Variants in EML1 observed in about 807,000 individuals in gnomAD.
EML1 encodes echinoderm microtubule-associated protein-like 1.
In EML1, 27 loss-of-function variants were observed where a neutral mutation model predicts 110.4. That is an observed-to-expected ratio of 0.24 (90% confidence interval 0.18 to 0.34). EML1 has a LOEUF of 0.34. Ranked by LOEUF, EML1 falls within the 10% of genes least tolerant of loss-of-function variation. The pLI is 1.00. For synonymous variants in EML1, 344 were observed against 385.8 expected (o/e 0.89, Z 1.27); for missense variants, 741 against 1,030.9 (o/e 0.72, Z 3.85).
intron 1 of EML1, among the ~76,000 whole-genome samples, chr14:99,785,825 T>C (rs1367883235): frequency 2.0e-5 from 3 of 151,764 alleles, no homozygotes; most frequent in African/African-American, 7.3e-5. Context: ...GAACGAACGG[T>C]TGGGGTGATT....
chr14:99,938,076 G>GT (rs564029085), intron 20 of EML1, among the ~76,000 whole-genome samples, 164 bp downstream of exon 20: 45 of 152,240 alleles, frequency 3.0e-4, no homozygotes, highest in African/African-American at 1.1e-3. Context: ...GGTAGGGCCT[G>GT]GGCTTGCCTG....
chr14:99,881,052 G>A (rs780058741), intron 4 of EML1, among the ~76,000 whole-genome samples: 2 of 152,230 alleles, frequency 1.3e-5, no homozygotes, highest in Admixed American at 6.5e-5. Flanking sequence ...GGGAAATAAA[G>A]TATTATAAAT....
chr14:99,823,328 G>A (rs1209050399), intron 1 of EML1, among the ~76,000 whole-genome samples: 1 of 151,894 alleles, frequency 6.6e-6, no homozygotes, highest in African/African-American at 2.4e-5. Flanking sequence ...TGCCCTGGCC[G>A]CACTGTGGCT....
rs142359809 is a variant in EML1, at chr14:99,838,820, G to A, written c.68-12033G>A. Among the ~76,000 whole-genome samples, 26 of 152,280 alleles carry A rather than the reference G, an allele frequency of 1.7e-4. No homozygotes were observed. The East Asian group carries it at 5.0e-3, about 29-fold the overall frequency. On this transcript the variant is annotated intron_variant, in intron 1 of 21. Transcript: ENST00000262233. ...GTTTGCTTTAAAACTGTAAAGTGGA[G>A]TGGGGGAAAGCTATCAACAATCTTC...
chr14:99,916,871 A>C (rs1300566652), intron 15 of EML1, among the ~76,000 whole-genome samples: 2 of 152,224 alleles, frequency 1.3e-5, no homozygotes, highest in Non-Finnish European at 2.9e-5. Flanking sequence ...GCCTTGGCCC[A>C]GCTTCCCAGT....
At chr14:99,775,697 T>C (rs2057474456) in intron 1 of EML1, among the ~76,000 whole-genome samples, 1 of 152,196 alleles carries the variant, frequency 6.6e-6, no homozygotes, top group Non-Finnish European at 1.5e-5. Flanking sequence ...CCAGCCGCCA[T>C]GTGGAAGCTA....
intron 2 of EML1, among the ~76,000 whole-genome samples, chr14:99,863,129 A>C (rs1445743412): frequency 6.6e-6 from 1 of 152,130 alleles, no homozygotes; most frequent in Non-Finnish European, 1.5e-5. Flanking sequence ...TAATTGTTCC[A>C]TCCTGATGTT....
intron 1 of EML1, among the ~76,000 whole-genome samples, chr14:99,800,793 CATTT>C (rs907281127): frequency 2.6e-5 from 4 of 152,222 alleles, no homozygotes; most frequent in African/African-American, 7.2e-5. Flanking sequence ...AAAATGCAGT[CATTT>C]ATTTATTCTG....
upstream of EML1, among the ~76,000 whole-genome samples, chr14:99,772,533 T>C (rs1235818467): frequency 6.6e-6 from 1 of 152,198 alleles, no homozygotes; most frequent in Non-Finnish European, 1.5e-5. Context: ...TGGGGGTTGA[T>C]TCCTCTCCCT....
At chr14:99,823,066 C>T (rs751965947) in intron 1 of EML1, among the ~76,000 whole-genome samples, 41 of 152,234 alleles carry the variant, frequency 2.7e-4, no homozygotes, top group Middle Eastern at 3.4e-3. Context: ...CCATCTCCTC[C>T]GGGAAGAAGA....
chr14:99,802,610 G>A (rs2057901462), intron 1 of EML1, among the ~76,000 whole-genome samples: 1 of 152,154 alleles, frequency 6.6e-6, no homozygotes, highest in Non-Finnish European at 1.5e-5. Flanking sequence ...GCCTGCAACT[G>A]GAGATGGCAG....
Position 99,917,833 on chromosome 14 carries a change from G to A in EML1, c.1804G>A (p.Gly602Arg), listed in dbSNP as rs1392499169. 6.2e-7 allele frequency: 1 copy of A among 1,614,106 alleles called. No homozygotes were observed. Among genetic ancestry groups the A allele is most frequent in the South Asian group, 1.1e-5 (1 of 91,070 alleles). ...FHPSGSVVAV[G>R]TLTGRWFVFD... Reference sequence around the variant, plus strand: ...TCCTTCAGGGTCTGTGGTTGCAGTCGGAACACTCACTGGGAGGTAAGTCCA... The same window carrying A: ...TCCTTCAGGGTCTGTGGTTGCAGTCAGAACACTCACTGGGAGGTAAGTCCA... Residue 602 changes from glycine (G) to arginine (R), a missense_variant, in exon 16 of 22, where the codon GGA becomes AGA. By Grantham distance (125) the Gly-to-Arg change is moderately radical (BLOSUM62 -2). Coordinates refer to ENST00000262233, the MANE Select transcript of EML1 (RefSeq NM_004434.3).
At chr14:99,757,115 G>A (rs1030030586) in intron 1 of EML1, among the ~76,000 whole-genome samples, 1 of 152,212 alleles carries the variant, frequency 6.6e-6, no homozygotes, top group Non-Finnish European at 1.5e-5. Context: ...CGAGGCGGGA[G>A]GATCACCTAA....
chr14:99,758,593 G>C (rs1372027733), intron 1 of EML1, among the ~76,000 whole-genome samples: 1 of 152,132 alleles, frequency 6.6e-6, no homozygotes, highest in Non-Finnish European at 1.5e-5. Flanking sequence ...AGAGCCCCAG[G>C]CCTGCCCAGA....
chr14:99,773,012 C>T (rs1225987453), exon 1 of EML1: 1 of 152,186 alleles, frequency 6.6e-6, no homozygotes, highest in African/African-American at 2.4e-5. Context: ...AGGCCATCCC[C>T]ACAGATAGGT....
chr14:99,752,516 G>A (rs2057188673), intron 1 of EML1, among the ~76,000 whole-genome samples: 1 of 152,216 alleles, frequency 6.6e-6, no homozygotes, highest in African/African-American at 2.4e-5. Context: ...GCACCTCCAG[G>A]CCAGCAGAAA....
chr14:99,927,877 C>T (rs1191955020), intron 17 of EML1, among the ~76,000 whole-genome samples: 11 of 234 alleles, frequency 0.047, 1 homozygote, highest in East Asian at 0.25. Flanking sequence ...GTAGTGGTGG[C>T]GGTGGTGGTG....
At chr14:99,808,434 G>A (rs7151803) in intron 1 of EML1, among the ~76,000 whole-genome samples, 32,157 of 152,050 alleles carry the variant, frequency 0.21, 4,653 homozygotes, top group African/African-American at 0.4. Context: ...CATTGTGTAC[G>A]GTAATAAAAT....
intron 9 of EML1, among the ~76,000 whole-genome samples, chr14:99,904,461 GTTT>G (rs2059811673): frequency 6.6e-6 from 1 of 152,026 alleles, no homozygotes; most frequent in Admixed American, 6.5e-5. Flanking sequence ...ATATAAAACA[GTTT>G]TTATTTCCCA....
Sources: gnomAD v4.1 joint callset for allele counts (sites outside exome capture counted in the v4.1 genomes callset) on GRCh38, gnomAD v4.1.1 for gene constraint, MANE v1.5 for transcripts, NCBI Gene and HGNC (gene_info 2026-07-23, HGNC 2026-07-21) for gene names.